Variants in GALNTL6 observed in about 807,000 individuals in gnomAD.
GALNTL6 encodes polypeptide N-acetylgalactosaminyltransferase like 6, also known as polypeptide N-acetylgalactosaminyltransferase-like 6.
Under a neutral mutation model 73.7 loss-of-function variants are expected in GALNTL6, and 46 were observed. The ratio of observed to expected loss-of-function variants is 0.62; its 90% CI spans 0.49 to 0.80. GALNTL6 has a LOEUF of 0.80. Among genes scored for constraint, GALNTL6 ranks in the 30% least tolerant of loss-of-function variants. The pLI is 0.00. For missense variants in GALNTL6, 604 were observed against 755.0 expected, an observed-to-expected ratio of 0.80 and a Z score of 2.34; for synonymous variants, 259 against 263.7, an observed-to-expected ratio of 0.98 and a Z score of 0.17.
At chr4:172,839,745 A>G (rs1243531086) in intron 7 of GALNTL6, among the ~76,000 whole-genome samples, 1 of 152,158 alleles carries the variant, frequency 6.6e-6, no homozygotes, top group Admixed American at 6.5e-5. Context: ...ATGTTGAATA[A>G]CCTTTGAGGC....
rs529459106 is a variant in GALNTL6 at position 172,907,225 on chromosome 4, A to AAT, written c.1042-23935_1042-23934dup. Reference sequence around the variant, plus strand: ...TGTTCTAAAAAAACTTTTTTTCTAAAATCAGAAAAGAAAGAAATTCTTCAA... The same window carrying AAT: ...TGTTCTAAAAAAACTTTTTTTCTAAAATATCAGAAAAGAAAGAAATTCTTCAA... On this transcript the variant is annotated intron_variant, in intron 8 of 12. Coordinates refer to ENST00000506823, the MANE Select transcript of GALNTL6 (RefSeq NM_001034845.3). Among the ~76,000 whole-genome samples, 227 of 152,214 alleles carry AAT rather than the reference A, an allele frequency of 1.5e-3. 2 individuals are homozygous for AAT. Among genetic ancestry groups the AAT allele is most frequent in the Middle Eastern group, 6.8e-3 (2 of 294 alleles).
chr4:172,333,166 G>GAGGCC, intron 4 of GALNTL6, among the ~76,000 whole-genome samples: 1 of 152,246 alleles, frequency 6.6e-6, no homozygotes, highest in Middle Eastern at 3.4e-3. Flanking sequence ...AGCACTTTGG[G>GAGGCC]AGGCCAAGAT....
At chr4:172,645,804 A>G (rs1164100748) in intron 5 of GALNTL6, among the ~76,000 whole-genome samples, 2 of 152,002 alleles carry the variant, frequency 1.3e-5, no homozygotes, top group African/African-American at 4.8e-5. Flanking sequence ...AACTAAGGGT[A>G]TGATCTAATG....
At chr4:172,222,901 G>A (rs1736733300) in intron 2 of GALNTL6, among the ~76,000 whole-genome samples, 1 of 151,886 alleles carries the variant, frequency 6.6e-6, no homozygotes, top group African/African-American at 2.4e-5. Context: ...AGCTTGGCCC[G>A]AGTTTTTGGA....
At chr4:171,962,538 C>T (rs910038617) in intron 2 of GALNTL6, among the ~76,000 whole-genome samples, 6 of 152,018 alleles carry the variant, frequency 3.9e-5, no homozygotes, top group Non-Finnish European at 4.4e-5. Context: ...ACAAATGTCA[C>T]GGCAACATTA....
Position 172,070,580 on chromosome 4 carries a change from C to A in GALNTL6, c.139-159076C>A, listed in dbSNP as rs1470229565. Among the ~76,000 whole-genome samples the A allele has an allele frequency of 1.8e-5, 2 of 109,234 alleles. 1 individual carries two copies. The highest frequency in any genetic ancestry group is 4.1e-5 in the Non-Finnish European group (2 of 49,322). 71.7% of individuals were successfully genotyped at this position (109,234 alleles called of 152,430 possible). A position where few individuals can be genotyped will look rare whatever the true frequency, so the allele number is the denominator to read the frequency against. On this transcript the variant is annotated intron_variant, in intron 2 of 12. Coordinates refer to ENST00000506823, the MANE Select transcript of GALNTL6 (RefSeq NM_001034845.3). The stretch of plus-strand genomic sequence containing the variant: ...CCTATTTGCCACATGATCCCCCACA[C>A]CACGTTATGACACAGCACAAAGGCC...
chr4:172,148,452 C>T (rs939937875), intron 2 of GALNTL6, among the ~76,000 whole-genome samples: 1 of 152,054 alleles, frequency 6.6e-6, no homozygotes, highest in African/African-American at 2.4e-5. Flanking sequence ...AATTTAGCAG[C>T]CTCAATTTAG....
intron 7 of GALNTL6, among the ~76,000 whole-genome samples, chr4:172,836,739 T>A (rs937453847): frequency 6.6e-5 from 10 of 152,228 alleles, no homozygotes; most frequent in African/African-American, 2.4e-4. Flanking sequence ...CCATTAGCCT[T>A]GAAAACCTTT....
intron 2 of GALNTL6, among the ~76,000 whole-genome samples, chr4:172,057,775 A>G (rs1731075372): frequency 7.2e-6 from 1 of 139,228 alleles, no homozygotes; most frequent in Non-Finnish European, 1.5e-5. Context: ...GTTTTTATTC[A>G]TCTTGTATTC....
At chr4:172,135,407 A>C (rs1560937028) in intron 2 of GALNTL6, among the ~76,000 whole-genome samples, 6 of 149,784 alleles carry the variant, frequency 4.0e-5, no homozygotes, top group Non-Finnish European at 4.5e-5. Context: ...ACTTAGGAAA[A>C]AGAGAGAGAG....
chr4:172,922,013 G>A (rs991993587), intron 8 of GALNTL6, among the ~76,000 whole-genome samples: 15 of 152,148 alleles, frequency 9.9e-5, no homozygotes, highest in Non-Finnish European at 1.3e-4. Flanking sequence ...TATGTTGTGG[G>A]AGGGACCCAG....
At chr4:172,944,783 C>T (rs1044939138) in intron 9 of GALNTL6, among the ~76,000 whole-genome samples, 10 of 152,036 alleles carry the variant, frequency 6.6e-5, no homozygotes, top group Non-Finnish European at 1.0e-4. Context: ...GGGCTGGGCA[C>T]GGTGGCTCAT....
At chr4:172,869,276 C>T (rs906128353) in intron 7 of GALNTL6, among the ~76,000 whole-genome samples, 1 of 152,066 alleles carries the variant, frequency 6.6e-6, no homozygotes, top group Admixed American at 6.6e-5. Flanking sequence ...ATCAAATCCA[C>T]CTAATATAAA....
intron 5 of GALNTL6, among the ~76,000 whole-genome samples, chr4:172,382,346 A>G (rs1480615471): frequency 2.6e-5 from 4 of 151,092 alleles, no homozygotes; most frequent in Admixed American, 6.6e-5. Flanking sequence ...TTTGATTTAT[A>G]TTTACCTAAT....
At chr4:172,900,920 G>A (rs1306337521) in intron 8 of GALNTL6, among the ~76,000 whole-genome samples, 5 of 152,124 alleles carry the variant, frequency 3.3e-5, no homozygotes, top group South Asian at 4.1e-4. Flanking sequence ...TTAGGCAACC[G>A]TAAACTTGCA....
intron 4 of GALNTL6, among the ~76,000 whole-genome samples, chr4:172,316,117 C>A (rs1194347622): frequency 6.6e-6 from 1 of 151,936 alleles, no homozygotes; most frequent in South Asian, 2.1e-4. Flanking sequence ...CACAAATACC[C>A]CGTAAACATG....
At chr4:172,062,928 A>G (rs1408560250) in intron 2 of GALNTL6, among the ~76,000 whole-genome samples, 2 of 152,220 alleles carry the variant, frequency 1.3e-5, no homozygotes, top group Non-Finnish European at 2.9e-5. Context: ...GTAAAATTTA[A>G]TAAGTTGAAT....
chr4:172,887,542 T>A (rs567208002), intron 8 of GALNTL6, among the ~76,000 whole-genome samples: 7 of 132,750 alleles, frequency 5.3e-5, no homozygotes, highest in African/African-American at 2.1e-4. Context: ...AACCTTTTAT[T>A]TATTTATTTA....
chr4:172,269,633 G>C (rs1463281935), intron 3 of GALNTL6, among the ~76,000 whole-genome samples: 1 of 152,178 alleles, frequency 6.6e-6, no homozygotes, highest in Non-Finnish European at 1.5e-5. Context: ...TTCCATTATA[G>C]AGGAAGTCAA....
Sources: gnomAD v4.1 joint callset for allele counts (sites outside exome capture counted in the v4.1 genomes callset) on GRCh38, gnomAD v4.1.1 for gene constraint, MANE v1.5 for transcripts, NCBI Gene and HGNC (gene_info 2026-07-23, HGNC 2026-07-21) for gene names.